The following DLG2 variants were observed in gnomAD, a reference collection of about 807,000 sequenced individuals.
DLG2 encodes disks large homolog 2.
DLG2 carries 45 observed loss-of-function variants against 132.5 expected under a neutral mutation model. The ratio of observed to expected loss-of-function variants is 0.34; its 90% CI spans 0.27 to 0.44. The LOEUF (loss-of-function observed/expected upper bound fraction) is 0.44. Ranked by LOEUF, DLG2 falls within the 20% of genes least tolerant of loss-of-function variation. DLG2 has a pLI of 1.00. For missense variants in DLG2, 1,045 were observed against 1,196.9 expected (o/e 0.87, Z 1.87); for synonymous variants, 424 against 419.6 (o/e 1.01, Z -0.13).
chr11:85,467,996 T>C (rs2092852961), intron 3 of DLG2, among the ~76,000 whole-genome samples: 1 of 152,212 alleles, frequency 6.6e-6, no homozygotes, highest in South Asian at 2.1e-4. Flanking sequence ...CAGCCTGTTA[T>C]TGGTCTATTC....
rs1363166226 is a variant in DLG2 at position 84,726,183 on chromosome 11, G to C, written c.358-191452C>G. Among the ~76,000 whole-genome samples the C allele has an allele frequency of 3.3e-5, 5 of 152,028 alleles. No homozygotes were observed. In the East Asian group the frequency reaches 9.7e-4, roughly 29 times the overall value. Reference sequence around the variant, plus strand: ...CAGAATGTGCAGTTTTGTTACATAGGTATACACGTGGCATGGTGGTTTGCT... The same window carrying C: ...CAGAATGTGCAGTTTTGTTACATAGCTATACACGTGGCATGGTGGTTTGCT... On this transcript the variant is annotated intron_variant, in intron 6 of 27. Coordinates refer to ENST00000376104, the MANE Select transcript of DLG2 (RefSeq NM_001142699.3).
At chr11:84,053,062 A>G (rs915369122) in intron 11 of DLG2, among the ~76,000 whole-genome samples, 3 of 152,114 alleles carry the variant, frequency 2.0e-5, no homozygotes, top group Non-Finnish European at 2.9e-5. Context: ...GTATATATAC[A>G]CCATGGAATA....
intron 8 of DLG2, among the ~76,000 whole-genome samples, chr11:84,171,636 A>G (rs1407267542): frequency 6.6e-6 from 1 of 152,206 alleles, no homozygotes; most frequent in Non-Finnish European, 1.5e-5. Flanking sequence ...ATGGACACTG[A>G]GGTTAATTCC....
At chr11:83,506,154 C>A (rs1223116464) in intron 21 of DLG2, among the ~76,000 whole-genome samples, 1 of 152,192 alleles carries the variant, frequency 6.6e-6, no homozygotes, top group East Asian at 1.9e-4. Flanking sequence ...CGTAGTCAAA[C>A]GTTCAGTTTC....
At chr11:83,985,440 G>T (rs2154178111) in intron 11 of DLG2, among the ~76,000 whole-genome samples, 1 of 152,118 alleles carries the variant, frequency 6.6e-6, no homozygotes, top group East Asian at 1.9e-4. Flanking sequence ...TTGCTGCAAA[G>T]ATCAACCCAT....
chr11:84,740,250 T>C (rs1423735444), intron 6 of DLG2, among the ~76,000 whole-genome samples: 2 of 152,012 alleles, frequency 1.3e-5, no homozygotes, highest in Non-Finnish European at 2.9e-5. Flanking sequence ...ACCCAGCTTC[T>C]GCAGCCCCAT....
At chr11:84,966,424 A>G (rs1367405617) in intron 6 of DLG2, among the ~76,000 whole-genome samples, 3 of 152,068 alleles carry the variant, frequency 2.0e-5, no homozygotes, top group African/African-American at 7.2e-5. Flanking sequence ...ATTCAAAACC[A>G]TCACAGAAAA....
At chr11:84,829,799 A>G (rs1441932065) in intron 6 of DLG2, among the ~76,000 whole-genome samples, 1 of 151,676 alleles carries the variant, frequency 6.6e-6, no homozygotes, top group African/African-American at 2.4e-5. Flanking sequence ...TGTTTTTATT[A>G]TTTATGGAAA....
At chr11:84,770,990 G>A (rs1473890062) in intron 6 of DLG2, among the ~76,000 whole-genome samples, 3 of 152,072 alleles carry the variant, frequency 2.0e-5, no homozygotes, top group African/African-American at 7.2e-5. Flanking sequence ...ATTCCATGGT[G>A]TATACGTACG....
At chr11:85,261,652 G>A (rs1272447804) in intron 4 of DLG2, among the ~76,000 whole-genome samples, 2 of 152,282 alleles carry the variant, frequency 1.3e-5, no homozygotes, top group South Asian at 4.1e-4. Flanking sequence ...ATTCATAAAG[G>A]TAGCAGGCAT....
At chr11:85,335,324 G>A (rs1034523955) in intron 3 of DLG2, among the ~76,000 whole-genome samples, 2 of 151,694 alleles carry the variant, frequency 1.3e-5, no homozygotes, top group Admixed American at 6.6e-5. Flanking sequence ...CATGTGAGAC[G>A]GGTCTCTTAA....
At chr11:85,536,669 G>C (rs1207928773) in intron 3 of DLG2, among the ~76,000 whole-genome samples, 2 of 152,266 alleles carry the variant, frequency 1.3e-5, no homozygotes, top group Non-Finnish European at 2.9e-5. Flanking sequence ...TCACAGGCCA[G>C]TGCGGGTTCC....
chr11:84,941,330 T>C (rs2049394089), intron 6 of DLG2, among the ~76,000 whole-genome samples: 1 of 151,802 alleles, frequency 6.6e-6, no homozygotes, highest in Non-Finnish European at 1.5e-5. Flanking sequence ...TATGGATTAA[T>C]TAATAGATTA....
intron 4 of DLG2, among the ~76,000 whole-genome samples, chr11:85,173,158 G>C (rs1045666345): frequency 6.6e-6 from 1 of 152,052 alleles, no homozygotes; most frequent in Non-Finnish European, 1.5e-5. Context: ...TAATCCCCAA[G>C]ATGCATAATC....
chr11:83,956,540 A>ACACT (rs2086888193), intron 14 of DLG2, among the ~76,000 whole-genome samples: 1 of 152,174 alleles, frequency 6.6e-6, no homozygotes, highest in Non-Finnish European at 1.5e-5. Flanking sequence ...GCTGGATCCC[A>ACACT]CACTCACTCA....
intron 4 of DLG2, among the ~76,000 whole-genome samples, chr11:85,203,062 A>G (rs2081587762): frequency 6.6e-6 from 1 of 150,738 alleles, no homozygotes; most frequent in South Asian, 2.1e-4. Flanking sequence ...AATAATAAAT[A>G]TCAGTTCTAA....
chr11:85,592,287 ACT>A (rs1440650887), intron 3 of DLG2, among the ~76,000 whole-genome samples: 2 of 152,214 alleles, frequency 1.3e-5, no homozygotes, highest in African/African-American at 2.4e-5. Flanking sequence ...AAACACTTGT[ACT>A]CTTTTTATTT....
chr11:84,043,561 G>T (rs1053326840), intron 11 of DLG2, among the ~76,000 whole-genome samples: 1 of 151,636 alleles, frequency 6.6e-6, no homozygotes, highest in Middle Eastern at 3.2e-3. Context: ...GTAGGCCCCA[G>T]TGTATGTTGT....
intron 11 of DLG2, among the ~76,000 whole-genome samples, chr11:84,049,125 C>T (rs1404578777): frequency 6.6e-6 from 1 of 151,028 alleles, no homozygotes; most frequent in Admixed American, 6.6e-5. Context: ...AAACCAGGAG[C>T]AGATGGAGGA....
Sources: gnomAD v4.1 joint callset for allele counts (sites outside exome capture counted in the v4.1 genomes callset) on GRCh38, gnomAD v4.1.1 for gene constraint, MANE v1.5 for transcripts, NCBI Gene and HGNC (gene_info 2026-07-23, HGNC 2026-07-21) for gene names.